The following DPF3 variants were observed in gnomAD, a reference collection of about 807,000 sequenced individuals.
DPF3 encodes double PHD fingers 3, also known as zinc finger protein DPF3.
Under a neutral mutation model 56.8 loss-of-function variants are expected in DPF3, and 18 were observed. The observed-to-expected ratio is 0.32, with a 90% CI of 0.22 to 0.47. The LOEUF (loss-of-function observed/expected upper bound fraction) is 0.47, where lower values mean the gene tolerates loss of function less well. Ranked by LOEUF, DPF3 falls within the 20% of genes least tolerant of loss-of-function variation. The probability of loss-of-function intolerance (pLI) is 1.00; values close to 1 mark genes in which losing one functional copy is unlikely to be tolerated. For missense variants in DPF3, 403 were observed against 488.8 expected (o/e 0.82, Z 1.65); for synonymous variants, 188 against 180.2 (o/e 1.04, Z -0.35).
rs369282643 is a variant in DPF3, at chr14:72,614,898, C to T, written c.*4399G>A. 2.6e-5 allele frequency among the ~76,000 whole-genome samples: 4 copies of T among 152,134 alleles called. No homozygotes were observed. The East Asian group carries it at 5.8e-4, about 22-fold the overall frequency. Reference sequence around the variant, plus strand: ...GCCTTTTTCCACCAGAGATCCTCACCCCTCCCAAATGCCCTCCCACCCTCC... The same window carrying T: ...GCCTTTTTCCACCAGAGATCCTCACTCCTCCCAAATGCCCTCCCACCCTCC... On this transcript the variant is annotated 3_prime_UTR_variant, in exon 11 of 11. Transcript: ENST00000556509.
intron 2 of DPF3, among the ~76,000 whole-genome samples, chr14:72,761,538 A>G (rs1365921609): frequency 6.6e-6 from 1 of 152,026 alleles, no homozygotes; most frequent in Non-Finnish European, 1.5e-5. Flanking sequence ...CCCTATATCA[A>G]ATTTTTTAAA....
At chr14:72,642,604 C>T (rs1885595779) in intron 8 of DPF3, among the ~76,000 whole-genome samples, 1 of 152,188 alleles carries the variant, frequency 6.6e-6, no homozygotes, top group East Asian at 1.9e-4. Flanking sequence ...CATCTGCCTT[C>T]GGTTTCCTGG....
chr14:72,811,664 T>A (rs952152612), intron 1 of DPF3, among the ~76,000 whole-genome samples: 2 of 152,190 alleles, frequency 1.3e-5, no homozygotes, highest in African/African-American at 2.4e-5. Context: ...TTCTACCCAA[T>A]AAACCAGACA....
chr14:72,872,493 C>T (rs147373021), intron 1 of DPF3, among the ~76,000 whole-genome samples: 2,072 of 152,310 alleles, frequency 0.014, 42 homozygotes, highest in African/African-American at 0.047. Context: ...ACCCAAGTCA[C>T]ATCTTGAATG....
rs1029667107 is a variant in DPF3 at position 72,629,833 on chromosome 14, C to G, written c.872-97G>C. 16 of 1,034,016 alleles carry G rather than the reference C, an allele frequency of 1.5e-5. No homozygotes were observed. The African/African-American group carries it at 2.2e-4, about 14-fold the overall frequency. 64.1% of individuals were successfully genotyped at this position (1,034,016 alleles called of 1,614,324 possible). On this transcript the variant is annotated intron_variant, in intron 8 of 10. Coordinates refer to ENST00000556509, the MANE Select transcript of DPF3 (RefSeq NM_001280542.3). The stretch of plus-strand genomic sequence containing the variant: ...AACACATTGATGCCCAGTGTGCAGG[C>G]AGGGCAGGGTAGCATGACGTAGGGA...
Position 72,693,103 on chromosome 14 carries a change from G to A in DPF3, c.715C>T (p.Pro239Ser). The stretch of plus-strand genomic sequence containing the variant: ...CTGTGGTTCTCATTTCTGTGGTTGG[G>A]TGGGGACCGAGTCTCCTGGTCTTGA... ...EAQDQETRSPPNHRNENHRPQ... is the reference protein window; with the variant it reads ...EAQDQETRSPSNHRNENHRPQ... The change falls in exon 7 of 11, where the codon CCC becomes TCC. Residue 239 changes from proline (P) to serine (S), a missense_variant. Transcript: ENST00000556509. 6.2e-7 allele frequency: 1 copy of A among 1,614,028 alleles called. No homozygotes were observed. The highest frequency in any genetic ancestry group is 8.5e-7 in the Non-Finnish European group (1 of 1,179,902).
intron 6 of DPF3, among the ~76,000 whole-genome samples, chr14:72,713,697 A>G (rs1021274373): frequency 1.3e-5 from 2 of 152,126 alleles, no homozygotes; most frequent in African/African-American, 4.8e-5. Flanking sequence ...CAGGTTTTCA[A>G]TCTGCCTCCC....
At chr14:72,888,298 T>G (rs879239751) in intron 1 of DPF3, among the ~76,000 whole-genome samples, 1 of 152,144 alleles carries the variant, frequency 6.6e-6, no homozygotes, top group Non-Finnish European at 1.5e-5. Context: ...TCCTCTTCCC[T>G]CTGCCCCACC....
intron 6 of DPF3, among the ~76,000 whole-genome samples, chr14:72,698,970 G>A (rs1025818590): frequency 5.3e-5 from 8 of 152,180 alleles, no homozygotes; most frequent in African/African-American, 1.2e-4. Context: ...TGTTTCTGAC[G>A]TGGGCAACTG....
chr14:72,869,848 C>CCTCCT (rs1885825457), intron 1 of DPF3, among the ~76,000 whole-genome samples: 1 of 152,098 alleles, frequency 6.6e-6, no homozygotes, highest in African/African-American at 2.4e-5. Flanking sequence ...GCCACAGAAA[C>CCTCCT]AGGCATACCC....
intron 1 of DPF3, among the ~76,000 whole-genome samples, chr14:72,778,989 C>T (rs189550097): frequency 3.3e-5 from 5 of 152,300 alleles, no homozygotes; most frequent in African/African-American, 9.6e-5. Flanking sequence ...TTCACATCAG[C>T]GTCAATATGA....
At chr14:72,715,048 A>T (rs929915621) in intron 5 of DPF3, among the ~76,000 whole-genome samples, 4 of 152,180 alleles carry the variant, frequency 2.6e-5, no homozygotes, top group Non-Finnish European at 5.9e-5. Context: ...GACAGTCCTG[A>T]CATCCAGGCC....
intron 8 of DPF3, among the ~76,000 whole-genome samples, chr14:72,657,649 C>A (rs71427163): frequency 6.6e-6 from 1 of 152,202 alleles, no homozygotes; most frequent in Non-Finnish European, 1.5e-5. Context: ...CCACCCCCAA[C>A]TGAGCAGTGC....
chr14:72,739,495 T>C (rs1653183679), intron 3 of DPF3, among the ~76,000 whole-genome samples: 1 of 152,148 alleles, frequency 6.6e-6, no homozygotes, highest in South Asian at 2.1e-4. Context: ...TCCTACAGTT[T>C]CCCTCTCCTT....
At chr14:72,717,411 G>A (rs1208148754) in intron 5 of DPF3, among the ~76,000 whole-genome samples, 1 of 152,182 alleles carries the variant, frequency 6.6e-6, no homozygotes, top group Non-Finnish European at 1.5e-5. Context: ...ACAGCACTAA[G>A]TCCACAGGAA....
rs1305648192 is a variant in DPF3, at chr14:72,800,629, CATGGATGCACAG to C, written c.33-28748_33-28737del. On this transcript the variant is annotated intron_variant, in intron 1 of 10. Transcript: ENST00000556509. ...GAATGCATGCATGCACAGATGGATG[CATGGATGCACAG>C]ATGGATGCATGGATGGATGCATGGA... Among the ~76,000 whole-genome samples, 6 of 146,850 alleles carry C rather than the reference CATGGATGCACAG, an allele frequency of 4.1e-5. No homozygotes were observed. The South Asian group carries it at 1.3e-3, about 32-fold the overall frequency.
chr14:72,893,572 T>TGGACCCAGC (rs1208257192), intron 1 of DPF3, among the ~76,000 whole-genome samples: 9 of 151,900 alleles, frequency 5.9e-5, no homozygotes, highest in African/African-American at 2.2e-4. Flanking sequence ...GTCCGTCCGC[T>TGGACCCAGC]GGACCCAGCG....
At chr14:72,845,591 C>A (rs1374054685) in intron 1 of DPF3, among the ~76,000 whole-genome samples, 2 of 152,142 alleles carry the variant, frequency 1.3e-5, no homozygotes, top group Non-Finnish European at 2.9e-5. Context: ...AATCATGGTG[C>A]CCATTGCAAC....
rs1355615923 is a variant in DPF3 at position 72,614,571 on chromosome 14, G to A, written c.*4726C>T. ...AATGCTTCACTCCCCAAGGCTGCAG[G>A]CATGATCCAGCCCTCCCTCACTGCC... On this transcript the variant is annotated 3_prime_UTR_variant, in exon 11 of 11. Coordinates refer to ENST00000556509, the MANE Select transcript of DPF3 (RefSeq NM_001280542.3). Among the ~76,000 whole-genome samples the A allele has an allele frequency of 1.3e-5, 2 of 151,956 alleles. No individual in the cohort carries two copies. Among genetic ancestry groups the A allele is most frequent in the African/African-American group, 4.8e-5 (2 of 41,366 alleles).
Sources: gnomAD v4.1 joint callset for allele counts (sites outside exome capture counted in the v4.1 genomes callset) on GRCh38, gnomAD v4.1.1 for gene constraint, MANE v1.5 for transcripts, NCBI Gene and HGNC (gene_info 2026-07-23, HGNC 2026-07-21) for gene names.